KATNAL1: variants seen among roughly 807,000 people sequenced by gnomAD.
KATNAL1 encodes katanin p60 ATPase-containing subunit A-like 1.
A neutral mutation model predicts 55.2 loss-of-function variants in KATNAL1; 32 were observed. The ratio of observed to expected loss-of-function variants is 0.58; its 90% confidence interval spans 0.44 to 0.78. The LOEUF is 0.78. Among genes scored for constraint, KATNAL1 ranks in the 30% least tolerant of loss-of-function variants. The probability of loss-of-function intolerance (pLI) is 0.00; values close to 1 mark genes in which losing one functional copy is unlikely to be tolerated. For missense variants in KATNAL1, 466 were observed against 600.9 expected, an observed-to-expected ratio of 0.78 and a Z score of 2.35; for synonymous variants, 193 against 193.6, an observed-to-expected ratio of 1.00 and a Z score of 0.02.
intron 4 of KATNAL1, among the ~76,000 whole-genome samples, chr13:30,243,209 T>C (rs1877446501): frequency 6.6e-6 from 1 of 152,240 alleles, no homozygotes; most frequent in Non-Finnish European, 1.5e-5. Context: ...AGCTTCTTTT[T>C]ACTAACATCA....
chr13:30,258,859 A>C (rs1879001862), intron 3 of KATNAL1, among the ~76,000 whole-genome samples: 1 of 152,162 alleles, frequency 6.6e-6, no homozygotes, highest in South Asian at 2.1e-4. Flanking sequence ...TCACAAACCA[A>C]GTAACTTTCC....
At chr13:30,214,582 T>C (rs1307079790) in intron 9 of KATNAL1, among the ~76,000 whole-genome samples, 1 of 152,016 alleles carries the variant, frequency 6.6e-6, no homozygotes, top group Non-Finnish European at 1.5e-5. Context: ...GAGATATAGA[T>C]CAATGGAACA....
At chr13:30,288,569 A>G (rs1322615993) in intron 1 of KATNAL1, among the ~76,000 whole-genome samples, 2 of 152,242 alleles carry the variant, frequency 1.3e-5, no homozygotes, top group African/African-American at 4.8e-5. Flanking sequence ...ACTTTACTGC[A>G]GTATTAGTTT....
intron 4 of KATNAL1, among the ~76,000 whole-genome samples, chr13:30,245,555 GCAAT>G (rs1566104157): frequency 6.6e-6 from 1 of 152,120 alleles, no homozygotes; most frequent in Non-Finnish European, 1.5e-5. Context: ...TCTGGCCAGG[GCAAT>G]CAGGAAAGAG....
At chr13:30,219,165 A>G (rs1194826918) in intron 9 of KATNAL1, among the ~76,000 whole-genome samples, 1 of 152,172 alleles carries the variant, frequency 6.6e-6, no homozygotes, top group Non-Finnish European at 1.5e-5. Flanking sequence ...CAATTTTTTT[A>G]AATTTTAATA....
chr13:30,280,463 T>A (rs1881197862), intron 2 of KATNAL1, among the ~76,000 whole-genome samples: 1 of 152,136 alleles, frequency 6.6e-6, no homozygotes, highest in Non-Finnish European at 1.5e-5. Context: ...CATAACGGAA[T>A]TCCATTTCTA....
chr13:30,240,840 T>C (rs1877198297), intron 5 of KATNAL1, 119 bp downstream of exon 5: 1 of 937,182 alleles, frequency 1.1e-6, no homozygotes, highest in Admixed American at 2.7e-5. Context: ...TTCTATACTT[T>C]CATATTATAG....
Position 30,231,490 on chromosome 13 carries a change from A to G in KATNAL1, c.727-18T>C, listed in dbSNP as rs202087. The G allele has an allele frequency of 0.89, 1,310,023 of 1,474,420 alleles. 582,775 individuals carry two copies. Among genetic ancestry groups the G allele is most frequent in the East Asian group, 0.96 (38,996 of 40,506 alleles). 91.3% of individuals were successfully genotyped at this position (1,474,420 alleles called of 1,614,324 possible). A position where few individuals can be genotyped will look rare whatever the true frequency, so the allele number is the denominator to read the frequency against. On this transcript the variant is annotated intron_variant, in intron 6 of 10. Transcript: ENST00000380615. ...AGTACACCCTGAAATTTCAAAAGAC[A>G]AATTAAATGATTTATCAGATTAAAA...
At chr13:30,255,006 G>A (rs938931317) in intron 4 of KATNAL1, among the ~76,000 whole-genome samples, 4 of 152,208 alleles carry the variant, frequency 2.6e-5, no homozygotes, top group South Asian at 2.1e-4. Context: ...AAAAAATCTT[G>A]TTCTACTATA....
intron 4 of KATNAL1, among the ~76,000 whole-genome samples, chr13:30,251,032 G>A (rs544430279): frequency 1.0e-3 from 159 of 151,970 alleles, no homozygotes; most frequent in African/African-American, 3.7e-3. Context: ...CAGCTACTCG[G>A]GAGGCTGAGG....
chr13:30,285,356 T>C (rs1881706296), intron 1 of KATNAL1, among the ~76,000 whole-genome samples: 1 of 152,126 alleles, frequency 6.6e-6, no homozygotes, highest in Non-Finnish European at 1.5e-5. Flanking sequence ...CACGTGGTGG[T>C]AACGGATCAA....
chr13:30,231,691 C>T (rs1214848808), intron 6 of KATNAL1, among the ~76,000 whole-genome samples: 1 of 151,924 alleles, frequency 6.6e-6, no homozygotes, highest in East Asian at 1.9e-4. Context: ...TCAGAGATAA[C>T]CTAACAAAAA....
intron 3 of KATNAL1, among the ~76,000 whole-genome samples, chr13:30,256,527 T>C (rs1307958708): frequency 6.6e-6 from 1 of 152,218 alleles, no homozygotes; most frequent in Non-Finnish European, 1.5e-5. Context: ...TTTAACCACA[T>C]GCCATATCTA....
At chr13:30,256,793 G>A (rs1158821536) in intron 3 of KATNAL1, among the ~76,000 whole-genome samples, 5 of 152,152 alleles carry the variant, frequency 3.3e-5, no homozygotes, top group African/African-American at 9.7e-5. Flanking sequence ...ATTTCTAGAA[G>A]GCCGGCAAAA....
chr13:30,251,236 A>G (rs961000952), intron 4 of KATNAL1, among the ~76,000 whole-genome samples: 2 of 129,458 alleles, frequency 1.5e-5, no homozygotes, highest in African/African-American at 5.4e-5. Context: ...TTTTACTTTT[A>G]GATTATCCTT....
intron 4 of KATNAL1, among the ~76,000 whole-genome samples, chr13:30,247,119 C>A (rs562849527): frequency 6.6e-6 from 1 of 152,130 alleles, no homozygotes; most frequent in Non-Finnish European, 1.5e-5. Context: ...CCCAAGGACA[C>A]GCAGCTAGAT....
chr13:30,244,482 A>T (rs186661166), intron 4 of KATNAL1, among the ~76,000 whole-genome samples: 9 of 152,266 alleles, frequency 5.9e-5, no homozygotes, highest in African/African-American at 2.2e-4. Context: ...CTGGTTCTAG[A>T]TCCTTGAGGA....
At chr13:30,260,615 T>C (rs1194641960) in intron 3 of KATNAL1, among the ~76,000 whole-genome samples, 1 of 152,040 alleles carries the variant, frequency 6.6e-6, no homozygotes, top group African/African-American at 2.4e-5. Flanking sequence ...GAAGAAAGGG[T>C]ATCAGCGATG....
intron 1 of KATNAL1, among the ~76,000 whole-genome samples, chr13:30,290,181 AG>A (rs1882042759): frequency 6.6e-6 from 1 of 152,234 alleles, no homozygotes; most frequent in African/African-American, 2.4e-5. Context: ...AAGAAGCAGA[AG>A]GAACAATGTA....
Sources: gnomAD v4.1 joint callset for allele counts (sites outside exome capture counted in the v4.1 genomes callset) on GRCh38, gnomAD v4.1.1 for gene constraint, MANE v1.5 for transcripts, NCBI Gene and HGNC (gene_info 2026-07-23, HGNC 2026-07-21) for gene names.